MACROD2: variants seen among roughly 807,000 people sequenced by gnomAD.
The protein encoded by MACROD2 is ADP-ribose glycohydrolase MACROD2.
In MACROD2, 36 loss-of-function variants were observed where a neutral mutation model predicts 70.4. The ratio of observed to expected loss-of-function variants is 0.51; its 90% confidence interval spans 0.39 to 0.68. MACROD2 has a LOEUF of 0.68. MACROD2 is among the 30% of genes least tolerant of loss of function. The probability of loss-of-function intolerance (pLI) is 0.00; values close to 1 mark genes in which losing one functional copy is unlikely to be tolerated. For synonymous variants in MACROD2, 172 were observed against 178.8 expected (o/e 0.96, Z 0.30); for missense variants, 496 against 538.4 (o/e 0.92, Z 0.78).
intron 3 of MACROD2, chr20:14,327,217 T>A: frequency 1.2e-6 from 2 of 1,613,684 alleles, no homozygotes; most frequent in Non-Finnish European, 8.5e-7. Context: ...GGTAGGAAAT[T>A]CATCTAAACT....
At chr20:14,629,744 G>A (rs1230817158) in intron 4 of MACROD2, among the ~76,000 whole-genome samples, 2 of 152,170 alleles carry the variant, frequency 1.3e-5, no homozygotes, top group Non-Finnish European at 2.9e-5. Flanking sequence ...CTGTCAATGA[G>A]CTTTGCAGAC....
intron 5 of MACROD2, among the ~76,000 whole-genome samples, chr20:15,121,173 C>T (rs553846890): frequency 3.8e-4 from 58 of 152,120 alleles, no homozygotes; most frequent in African/African-American, 1.3e-3. Context: ...AGATATAATG[C>T]GTGAAGTACA....
chr20:15,998,587 C>T (rs1461070531), intron 15 of MACROD2, among the ~76,000 whole-genome samples: 3 of 118,892 alleles, frequency 2.5e-5, no homozygotes, highest in East Asian at 2.2e-4. Flanking sequence ...TTTTTTGAGA[C>T]GGAGTCTTGC....
chr20:14,501,165 A>G (rs1228562889), intron 4 of MACROD2, among the ~76,000 whole-genome samples: 1 of 152,104 alleles, frequency 6.6e-6, no homozygotes, highest in African/African-American at 2.4e-5. Context: ...TTGTATAGCC[A>G]GGATCTCATA....
intron 6 of MACROD2, among the ~76,000 whole-genome samples, chr20:15,411,544 A>C (rs2146325119): frequency 1.3e-5 from 2 of 152,354 alleles, no homozygotes; most frequent in South Asian, 4.1e-4. Flanking sequence ...TATCCTACAG[A>C]TAAAACTATG....
intron 10 of MACROD2, among the ~76,000 whole-genome samples, chr20:15,903,373 G>A (rs1177562075): frequency 6.6e-6 from 1 of 152,150 alleles, no homozygotes; most frequent in African/African-American, 2.4e-5. Context: ...AATGATCGAG[G>A]CGTCTGACTT....
intron 12 of MACROD2, among the ~76,000 whole-genome samples, chr20:15,942,915 T>C (rs2065770291): frequency 6.6e-6 from 1 of 152,328 alleles, no homozygotes; most frequent in African/African-American, 2.4e-5. Context: ...CATATGCTCA[T>C]TAATATTAAA....
intron 5 of MACROD2, among the ~76,000 whole-genome samples, chr20:14,864,907 T>C (rs2073411891): frequency 6.6e-6 from 1 of 152,032 alleles, no homozygotes; most frequent in Non-Finnish European, 1.5e-5. Flanking sequence ...TATATAGGAG[T>C]TAAGTGATGC....
intron 5 of MACROD2, among the ~76,000 whole-genome samples, chr20:14,795,854 G>A (rs1361890623): frequency 2.6e-5 from 4 of 152,060 alleles, no homozygotes; most frequent in Non-Finnish European, 1.5e-5. Flanking sequence ...GAAAGCAGGA[G>A]TCAAGTCCTG....
chr20:15,084,068 T>TTTGTTTTTTTTTTTTG (rs1555780868), intron 5 of MACROD2, among the ~76,000 whole-genome samples: 1 of 57,800 alleles, frequency 1.7e-5, no homozygotes, highest in African/African-American at 6.4e-5. Context: ...GGTTTTTTTT[T>TTTGTTTTTTTTTTTTG]TTTGTTTTTT....
At chr20:15,345,754 G>A (rs1313653250) in intron 6 of MACROD2, among the ~76,000 whole-genome samples, 1 of 152,152 alleles carries the variant, frequency 6.6e-6, no homozygotes, top group African/African-American at 2.4e-5. Flanking sequence ...ACTGGAAGGT[G>A]CAGTCCTGGC....
rs528827716 is a variant in MACROD2, at chr20:14,555,912, A to G, written c.301+62404A>G. Among the ~76,000 whole-genome samples the G allele has an allele frequency of 9.2e-5, 14 of 152,216 alleles. No individual in the cohort carries two copies. In the East Asian group the frequency reaches 2.7e-3, roughly 29 times the overall value. On this transcript the variant is annotated intron_variant, in intron 4 of 17. Transcript: ENST00000684519. Reference sequence around the variant, plus strand: ...TTGCCTCAGGTAGAATGCTGACATCAGTTGTAATGAGATTAAAATCTTCTA... The same window carrying G: ...TTGCCTCAGGTAGAATGCTGACATCGGTTGTAATGAGATTAAAATCTTCTA...
intron 6 of MACROD2, among the ~76,000 whole-genome samples, chr20:15,405,637 G>C (rs1017761970): frequency 6.6e-6 from 1 of 152,074 alleles, no homozygotes. Flanking sequence ...CTTTCTGTGG[G>C]AATCCTGTTT....
intron 5 of MACROD2, among the ~76,000 whole-genome samples, chr20:14,849,554 G>C (rs969660813): frequency 1.3e-5 from 2 of 152,078 alleles, no homozygotes; most frequent in Non-Finnish European, 2.9e-5. Flanking sequence ...GCCGAGACAG[G>C]TGATCACTTG....
chr20:15,622,209 G>T (rs370923172), intron 8 of MACROD2, among the ~76,000 whole-genome samples: 2 of 152,194 alleles, frequency 1.3e-5, no homozygotes, highest in East Asian at 3.9e-4. Flanking sequence ...CTGATGAAAT[G>T]ACTTCAAACT....
At chr20:15,899,566 G>A (rs2065033455) in intron 10 of MACROD2, among the ~76,000 whole-genome samples, 1 of 152,150 alleles carries the variant, frequency 6.6e-6, no homozygotes, top group Non-Finnish European at 1.5e-5. Context: ...ACTATATGTT[G>A]CTAAGTTCAG....
chr20:14,574,998 A>G (rs1194736640), intron 4 of MACROD2, among the ~76,000 whole-genome samples: 1 of 125,594 alleles, frequency 8.0e-6, no homozygotes, highest in East Asian at 2.3e-4. Context: ...GGCCTGGGCG[A>G]CAGAGCGAGA....
chr20:14,258,782 C>T (rs868465727), intron 3 of MACROD2, among the ~76,000 whole-genome samples: 44 of 152,016 alleles, frequency 2.9e-4, no homozygotes, highest in African/African-American at 9.9e-4. Flanking sequence ...ATGAACTCTC[C>T]CTAAGCCAAC....
chr20:15,187,110 G>T (rs1327298389), intron 5 of MACROD2, among the ~76,000 whole-genome samples: 1 of 152,188 alleles, frequency 6.6e-6, no homozygotes, highest in Non-Finnish European at 1.5e-5. Context: ...GAGAGCCACT[G>T]CTTCAGATCT....
Sources: allele counts gnomAD v4.1 joint callset (sites outside exome capture counted in the v4.1 genomes callset), GRCh38; gene constraint gnomAD v4.1.1; transcripts MANE v1.5; gene names NCBI Gene and HGNC (gene_info 2026-07-23, HGNC 2026-07-21).